Variants in TBC1D21 observed in about 807,000 individuals in gnomAD.
The protein encoded by TBC1D21 is male germ cell Rab GTPase-activating protein.
TBC1D21 carries 38 observed loss-of-function variants against 46.0 expected under a neutral mutation model. That is an observed-to-expected ratio of 0.83 (90% CI 0.64 to 1.08). The LOEUF is 1.08. TBC1D21 is among the 50% of genes least tolerant of loss of function. TBC1D21 has a pLI of 0.00. For synonymous variants in TBC1D21, 151 were observed against 157.2 expected (o/e 0.96, Z 0.29); for missense variants, 415 against 417.9 (o/e 0.99, Z 0.06).
chr15:73,902,330 A>G, the TBC1D21 span, among the ~76,000 whole-genome samples: 1 of 152,148 alleles, frequency 6.6e-6, no homozygotes, highest in South Asian at 2.1e-4. Context: ...ACTCCATCAC[A>G]GGACGGTAGG....
At chr15:73,889,256 G>GA (rs1211346039), downstream of TBC1D21, 1 of 892,062 alleles carries the variant, frequency 1.1e-6, no homozygotes, top group Non-Finnish European at 1.7e-6. Flanking sequence ...TAGGGGCTGG[G>GA]ACGCACATGA....
At chr15:73,896,206 G>C in the TBC1D21 span, among the ~76,000 whole-genome samples, 2 of 152,000 alleles carry the variant, frequency 1.3e-5, no homozygotes, top group Non-Finnish European at 2.9e-5. Context: ...GACAGCGATA[G>C]TGGAGGTGAT....
chr15:73,906,414 A>G, the TBC1D21 span, among the ~76,000 whole-genome samples: 1 of 152,180 alleles, frequency 6.6e-6, no homozygotes, highest in South Asian at 2.1e-4. Context: ...AGTATACTCA[A>G]CCTTGCTCCC....
the TBC1D21 span, among the ~76,000 whole-genome samples, chr15:73,898,880 A>AAAAAAAATATATATATATAT: frequency 5.1e-4 from 29 of 56,766 alleles, no homozygotes; most frequent in Non-Finnish European, 8.0e-4. Context: ...AAAAAAAAAA[A>AAAAAAAATATATATATATAT]ATATATATAT....
the TBC1D21 span, among the ~76,000 whole-genome samples, chr15:73,896,373 G>T: frequency 2.6e-5 from 4 of 152,290 alleles, no homozygotes; most frequent in East Asian, 7.7e-4. Flanking sequence ...GATGACAATG[G>T]CAGGTCGTGG....
At position 73,885,110 on chromosome 15, in the gene TBC1D21, G is replaced by A. The variant is rs774860527; in HGVS notation, c.579+7G>A. The stretch of plus-strand genomic sequence containing the variant: ...GTTCTTCCTGCAGAAAACGGTGAGG[G>A]CAAGGCCTGAGCTCAGGGACGCCCC... On this transcript the variant is annotated splice_region_variant and intron_variant, in intron 6 of 10. Transcript: ENST00000300504. 6.2e-7 allele frequency: 1 copy of A among 1,610,248 alleles called. No homozygotes were observed. The highest frequency in any genetic ancestry group is 8.5e-7 in the Non-Finnish European group (1 of 1,179,456).
intron 1 of TBC1D21, among the ~76,000 whole-genome samples, 172 bp downstream of exon 1, chr15:73,873,941 C>A (rs563040505): frequency 3.7e-4 from 56 of 152,308 alleles, no homozygotes; most frequent in African/African-American, 1.3e-3. Flanking sequence ...ACTGAGACAT[C>A]CAAGCCCCCT....
At chr15:73,887,855 C>A (rs1228463071) in intron 9 of TBC1D21, 119 bp downstream of exon 9, 6 of 792,826 alleles carry the variant, frequency 7.6e-6, no homozygotes, top group East Asian at 2.6e-5. Flanking sequence ...CCTTTTCCCC[C>A]CAGACAGAAA....
At chr15:73,898,880 A>T in the TBC1D21 span, among the ~76,000 whole-genome samples, 1,023 of 56,706 alleles carry the variant, frequency 0.018, 47 homozygotes, top group Admixed American at 0.053. Flanking sequence ...AAAAAAAAAA[A>T]ATATATATAT....
downstream of TBC1D21, among the ~76,000 whole-genome samples, chr15:73,893,348 G>A (rs995608277): frequency 5.3e-5 from 8 of 152,154 alleles, no homozygotes; most frequent in South Asian, 1.7e-3. Context: ...GAATCACCGT[G>A]GCCATGAGCA....
At chr15:73,884,925 C>T in intron 5 of TBC1D21, 34 bp downstream of exon 5, 6 of 1,611,112 alleles carry the variant, frequency 3.7e-6, no homozygotes, top group Non-Finnish European at 4.2e-6. Flanking sequence ...AATGCCCTCC[C>T]AGGACCTGGC....
the TBC1D21 span, among the ~76,000 whole-genome samples, chr15:73,909,146 C>T: frequency 6.6e-6 from 1 of 152,182 alleles, no homozygotes; most frequent in Non-Finnish European, 1.5e-5. Context: ...CCAAGGCAGG[C>T]AGATCACTTG....
intron 1 of TBC1D21, among the ~76,000 whole-genome samples, chr15:73,880,329 C>CACACACACACAA (rs1555429279): frequency 6.7e-6 from 1 of 149,112 alleles, no homozygotes; most frequent in African/African-American, 2.5e-5. Flanking sequence ...CACACACACA[C>CACACACACACAA]CCTTATCAAA....
rs776018059 is a variant in TBC1D21, at chr15:73,888,504, C to A, written c.969C>A (p.Ile323=). The A allele has an allele frequency of 5.0e-6, 8 of 1,613,844 alleles. No homozygotes were observed. Among genetic ancestry groups the A allele is most frequent in the Non-Finnish European group, 3.4e-6 (4 of 1,179,942 alleles). ...CCTGCGTGGTTTATGCTGAGCTCAT[C>A]CAGAAGGATGTAAGTTGCCCCAATG... ...SAACVVYAEL[I]QKDVPQTLKD... Residue 323 remains isoleucine, a synonymous_variant, in exon 10 of 11, where the codon ATC becomes ATA. Coordinates refer to ENST00000300504, the MANE Select transcript of TBC1D21 (RefSeq NM_153356.3).
chr15:73,877,974 A>G (rs2068095475), intron 1 of TBC1D21, among the ~76,000 whole-genome samples: 1 of 152,260 alleles, frequency 6.6e-6, no homozygotes, highest in Non-Finnish European at 1.5e-5. Flanking sequence ...TGAACTGTGA[A>G]AGCCTGAATG....
chr15:73,908,448 T>C, the TBC1D21 span: 1 of 152,260 alleles, frequency 6.6e-6, no homozygotes, highest in African/African-American at 2.4e-5. Context: ...GGGCCATGCT[T>C]GTGTTGAGAG....
At chr15:73,902,614 C>T in the TBC1D21 span, among the ~76,000 whole-genome samples, 2 of 152,216 alleles carry the variant, frequency 1.3e-5, no homozygotes, top group Admixed American at 6.5e-5. Flanking sequence ...CCACAGCCCA[C>T]TGCATGCATC....
the TBC1D21 span, among the ~76,000 whole-genome samples, chr15:73,895,736 T>G: frequency 2.0e-5 from 3 of 152,172 alleles, no homozygotes; most frequent in East Asian, 5.8e-4. Flanking sequence ...ATGGCTGACA[T>G]AGAGGACTGA....
At chr15:73,875,741 G>A (rs955053854) in intron 1 of TBC1D21, among the ~76,000 whole-genome samples, 6 of 152,176 alleles carry the variant, frequency 3.9e-5, no homozygotes, top group Non-Finnish European at 8.8e-5. Flanking sequence ...AGGACACTAG[G>A]AAAGGCACCA....
Sources: gnomAD v4.1 joint callset for allele counts (sites outside exome capture counted in the v4.1 genomes callset) on GRCh38, gnomAD v4.1.1 for gene constraint, MANE v1.5 for transcripts, NCBI Gene and HGNC (gene_info 2026-07-23, HGNC 2026-07-21) for gene names.